Variants in COL5A2 observed in about 807,000 individuals in gnomAD.
COL5A2 encodes the protein collagen alpha-2(V) chain.
In COL5A2, 23 loss-of-function variants were observed where a neutral mutation model predicts 208.2. The ratio of observed to expected loss-of-function variants is 0.11; its 90% CI spans 0.08 to 0.16. The LOEUF is 0.16. Ranked by LOEUF, COL5A2 falls within the 10% of genes least tolerant of loss-of-function variation. COL5A2 has a pLI of 1.00. For synonymous variants in COL5A2, 625 were observed against 628.5 expected, an observed-to-expected ratio of 0.99 and a Z score of 0.08; for missense variants, 1,590 against 1,956.4, an observed-to-expected ratio of 0.81 and a Z score of 3.53.
intron 3 of COL5A2, among the ~76,000 whole-genome samples, chr2:189,102,753 T>C (rs1006348459): frequency 1.3e-5 from 2 of 152,152 alleles, no homozygotes; most frequent in Non-Finnish European, 2.9e-5. Flanking sequence ...TTAACATGAA[T>C]TAATGAATGA....
the COL5A2 span, among the ~76,000 whole-genome samples, chr2:189,303,675 A>G: frequency 6.6e-6 from 1 of 152,196 alleles, no homozygotes; most frequent in Non-Finnish European, 1.5e-5. Context: ...ACAATAGCTG[A>G]GTGTTGGCCA....
intron 4 of COL5A2, among the ~76,000 whole-genome samples, chr2:189,099,787 C>T (rs1451284899): frequency 6.6e-6 from 1 of 152,104 alleles, no homozygotes; most frequent in African/African-American, 2.4e-5. Flanking sequence ...TGATGTATTT[C>T]CAGAAGTGTG....
At chr2:189,425,745 C>T in the COL5A2 span, among the ~76,000 whole-genome samples, 1 of 152,232 alleles carries the variant, frequency 6.6e-6, no homozygotes, top group East Asian at 1.9e-4. Flanking sequence ...ACATCATCCC[C>T]CTGATGCTGT....
At chr2:189,055,443 T>C (rs376123628) in intron 35 of COL5A2, among the ~76,000 whole-genome samples, 66 of 152,212 alleles carry the variant, frequency 4.3e-4, no homozygotes, top group African/African-American at 1.6e-3. Flanking sequence ...TATTCTTTCA[T>C]CGTTTAATTT....
chr2:189,290,522 T>C, the COL5A2 span, among the ~76,000 whole-genome samples: 1 of 152,152 alleles, frequency 6.6e-6, no homozygotes, highest in Admixed American at 6.6e-5. Context: ...CATTGGGTTT[T>C]GTGACTTAGA....
the COL5A2 span, among the ~76,000 whole-genome samples, chr2:189,354,685 T>C: frequency 6.6e-6 from 1 of 152,210 alleles, no homozygotes; most frequent in African/African-American, 2.4e-5. Flanking sequence ...GCTTTATTAG[T>C]CTTGCTGGCA....
intron 1 of COL5A2, among the ~76,000 whole-genome samples, chr2:189,189,130 T>C (rs1688892461): frequency 6.6e-6 from 1 of 152,214 alleles, no homozygotes; most frequent in Non-Finnish European, 1.5e-5. Flanking sequence ...GTGTCCTGTA[T>C]TTGAATGAAA....
the COL5A2 span, among the ~76,000 whole-genome samples, chr2:189,256,189 GT>G: frequency 1.3e-5 from 2 of 152,158 alleles, no homozygotes; most frequent in Non-Finnish European, 2.9e-5. Flanking sequence ...GCAAAAAGAA[GT>G]TTGTGAAGGT....
At chr2:189,228,215 A>T (rs1689441815), upstream of COL5A2, among the ~76,000 whole-genome samples, 1 of 152,034 alleles carries the variant, frequency 6.6e-6, no homozygotes, top group South Asian at 2.1e-4. Flanking sequence ...AAAAAGAAGG[A>T]TCTAAAGCAA....
intron 1 of COL5A2, among the ~76,000 whole-genome samples, chr2:189,204,011 G>C (rs960590858): frequency 6.6e-6 from 1 of 151,782 alleles, no homozygotes; most frequent in Non-Finnish European, 1.5e-5. Context: ...CATTCTCCTG[G>C]CTCAGCTTCC....
chr2:189,057,430 A>T lies in COL5A2; in HGVS notation c.2230-3T>A, dbSNP rs773240493. The T allele has an allele frequency of 6.3e-7, 1 of 1,595,734 alleles. No homozygotes were observed. Among genetic ancestry groups the T allele is most frequent in the Admixed American group, 1.7e-5 (1 of 60,002 alleles). On this transcript the variant is annotated splice_region_variant and splice_polypyrimidine_tract_variant and intron_variant, in intron 33 of 53. Coordinates refer to ENST00000374866, the MANE Select transcript of COL5A2 (RefSeq NM_000393.5). ...GTCCCAGATGGACCTGGACTGCCCT[A>T]AAATGAACCAACATTAAGTGACCAT...
rs751238402 is a variant in COL5A2, at chr2:189,039,324, G to A, written c.3873C>T (p.His1291=). 6.2e-7 allele frequency: 1 copy of A among 1,614,002 alleles called. No homozygotes were observed. Among genetic ancestry groups the A allele is most frequent in the Non-Finnish European group, 8.5e-7 (1 of 1,180,034 alleles). The part of the protein sequence containing the change: ...TMRSPDGSKK[H]PARTCDDLKL... ...TTAGGTCATCACACGTGCGGGCTGG[G>A]TGCTTTTTCGAGCCATCGGGGCTGC... Residue 1291 remains histidine (H), a synonymous_variant, in exon 51 of 54, where the codon CAC becomes CAT. Transcript: ENST00000374866.
intron 1 of COL5A2, among the ~76,000 whole-genome samples, chr2:189,202,539 A>T (rs756538889): frequency 4.6e-5 from 7 of 152,158 alleles, no homozygotes; most frequent in Non-Finnish European, 8.8e-5. Flanking sequence ...AGCAGTAGAA[A>T]TTAATTTCTC....
chr2:189,254,117 A>T, the COL5A2 span, among the ~76,000 whole-genome samples: 1 of 152,256 alleles, frequency 6.6e-6, no homozygotes, highest in Non-Finnish European at 1.5e-5. Flanking sequence ...AAAGATGCTC[A>T]TTAAGTAATC....
Position 189,034,706 on chromosome 2 carries a change from C to A in COL5A2, c.4353+210G>T, listed in dbSNP as rs62181756. Among the ~76,000 whole-genome samples the A allele has an allele frequency of 5.8e-3, 880 of 152,192 alleles. 5 individuals carry two copies. Among genetic ancestry groups the A allele is most frequent in the Non-Finnish European group, 9.8e-3 (665 of 67,988 alleles). ...AAGAACTGGATCAGATCTTAGGGAT[C>A]CAGTTCTTTCTTTACTATATGGATT... On this transcript the variant is annotated intron_variant, in intron 53 of 53. Transcript: ENST00000374866.
intron 1 of COL5A2, among the ~76,000 whole-genome samples, chr2:189,195,031 T>A (rs557901441): frequency 2.0e-5 from 3 of 152,278 alleles, no homozygotes; most frequent in African/African-American, 4.8e-5. Context: ...AGTCAAATTG[T>A]CTCTGTTTGC....
the COL5A2 span, among the ~76,000 whole-genome samples, chr2:189,346,838 G>A: frequency 6.6e-6 from 1 of 152,152 alleles, no homozygotes; most frequent in African/African-American, 2.4e-5. Flanking sequence ...TAAGGAAGAG[G>A]CTTGGGTTGG....
chr2:189,258,571 T>C, the COL5A2 span, among the ~76,000 whole-genome samples: 1 of 152,318 alleles, frequency 6.6e-6, no homozygotes, highest in South Asian at 2.1e-4. Flanking sequence ...GTCCCAGAAC[T>C]GCTGAAAAAA....
the COL5A2 span, among the ~76,000 whole-genome samples, chr2:189,296,681 C>T: frequency 6.6e-6 from 1 of 152,132 alleles, no homozygotes; most frequent in African/African-American, 2.4e-5. Context: ...AAAGTATAGT[C>T]CTTCTTGGGT....
Sources: gnomAD v4.1 joint callset for allele counts (sites outside exome capture counted in the v4.1 genomes callset) on GRCh38, gnomAD v4.1.1 for gene constraint, MANE v1.5 for transcripts, NCBI Gene and HGNC (gene_info 2026-07-23, HGNC 2026-07-21) for gene names.